Variants in SLC9A1 observed in about 807,000 individuals in gnomAD.
SLC9A1 encodes sodium/hydrogen exchanger 1.
In SLC9A1, 22 loss-of-function variants were observed where a neutral mutation model predicts 67.9. The observed-to-expected ratio is 0.32, with a 90% CI of 0.23 to 0.46. The LOEUF is 0.46. SLC9A1 is among the 20% of genes least tolerant of loss of function. SLC9A1 has a pLI of 1.00. For synonymous variants in SLC9A1, 421 were observed against 471.8 expected (o/e 0.89, Z 1.40); for missense variants, 686 against 1,094.8 (o/e 0.63, Z 5.27).
Position 27,137,044 on chromosome 1 carries a change from C to T in SLC9A1, c.352+16939G>A, listed in dbSNP as rs2083424817. ...TGCCAGATGGAGCCCCATCTGCCCC[C>T]AGGGCCCACCTGCAACGTGCTGTGT... On this transcript the variant is annotated intron_variant, in intron 1 of 11. Coordinates refer to ENST00000263980, the MANE Select transcript of SLC9A1 (RefSeq NM_003047.5). The surrounding 1 kb of genome is among the most constrained non-coding windows in gnomAD (Gnocchi z 4.6). Among the ~76,000 whole-genome samples, 1 of 152,258 alleles carries T rather than the reference C, an allele frequency of 6.6e-6. No individual in the cohort carries two copies. Among genetic ancestry groups the T allele is most frequent in the Non-Finnish European group, 1.5e-5 (1 of 68,042 alleles).
intron 1 of SLC9A1, among the ~76,000 whole-genome samples, chr1:27,124,743 T>G (rs1199107209): frequency 6.6e-6 from 1 of 152,088 alleles, no homozygotes; most frequent in Non-Finnish European, 1.5e-5. Flanking sequence ...AGGGCAGTGA[T>G]GAAGAAGGGG....
chr1:27,146,095 G>C (rs1223062113), intron 1 of SLC9A1, among the ~76,000 whole-genome samples: 1 of 152,166 alleles, frequency 6.6e-6, no homozygotes, highest in South Asian at 2.1e-4. Context: ...ACATTTGCAG[G>C]GGGAGCGAGT....
intron 1 of SLC9A1, among the ~76,000 whole-genome samples, chr1:27,127,557 C>T (rs974225596): frequency 2.0e-5 from 3 of 151,256 alleles, no homozygotes; most frequent in Non-Finnish European, 4.4e-5. Flanking sequence ...GCCACAAATA[C>T]CCTGCAGGGA....
intron 5 of SLC9A1, among the ~76,000 whole-genome samples, chr1:27,104,424 C>T (rs961050926): frequency 7.2e-5 from 11 of 152,174 alleles, no homozygotes; most frequent in African/African-American, 2.6e-4. Context: ...CACTCTGTCA[C>T]ACAGGCTGGA....
In SLC9A1 at chr1:27,113,812, C is replaced by T. The variant is rs552417146; in HGVS notation, c.813+14G>A. 55 of 1,600,108 alleles carry T rather than the reference C, an allele frequency of 3.4e-5. 3 individuals are homozygous for T. In the South Asian group the frequency reaches 5.5e-4, roughly 16 times the overall value. On this transcript the variant is annotated intron_variant, in intron 2 of 11. Transcript: ENST00000263980. ...GTACCGTTTGGACATGGGCATGGCC[C>T]CTGGCCTCCTCACCACAGTGACGGC...
Position 27,101,861 on chromosome 1 carries a change from C to T in SLC9A1, c.1936-35G>A, listed in dbSNP as rs1346802952. 1 of 1,544,956 alleles carries T rather than the reference C, an allele frequency of 6.5e-7. No homozygotes were observed. The highest frequency in any genetic ancestry group is 8.9e-7 in the Non-Finnish European group (1 of 1,120,730). ...GGACAGCGTCAGGGCAGTGCGGGCC[C>T]CGGAAGGCTCTGCTCATGGAGGGGT... is the stretch of plus-strand genomic sequence containing the variant. On this transcript the variant is annotated intron_variant, in intron 9 of 11. Coordinates refer to ENST00000263980, the MANE Select transcript of SLC9A1 (RefSeq NM_003047.5). The surrounding 1 kb of genome is among the most constrained non-coding windows in gnomAD (Gnocchi z 4.9).
In SLC9A1 at chr1:27,117,282, C is replaced by T. The variant is rs570437449; in HGVS notation, c.353-2996G>A. Among the ~76,000 whole-genome samples, 9 of 152,292 alleles carry T rather than the reference C, an allele frequency of 5.9e-5. No homozygotes were observed. The South Asian group carries it at 1.2e-3, about 21-fold the overall frequency. On this transcript the variant is annotated intron_variant, in intron 1 of 11. Transcript: ENST00000263980. ...GGGCCAGAAAGCACCTTCCCAAGGC[C>T]GGAAGTCCAGCTCCAGCCAGCTGCA... is the stretch of plus-strand genomic sequence containing the variant.
chr1:27,104,739 A>ATTT (rs571413046), intron 5 of SLC9A1, among the ~76,000 whole-genome samples: 1 of 150,762 alleles, frequency 6.6e-6, no homozygotes, highest in African/African-American at 2.4e-5. Context: ...GGTTTCCCCT[A>ATTT]TTTTTTTTTC....
In SLC9A1 at chr1:27,103,217, C is replaced by T. The variant is rs757682060; in HGVS notation, c.1575+6G>A. On this transcript the variant is annotated splice_donor_region_variant and intron_variant, in intron 6 of 11. Transcript: ENST00000263980. The stretch of plus-strand genomic sequence containing the variant: ...GCAACCAAGGGCCCAGCCCGCACTC[C>T]AGTACCTGTGTGTGGATCTCTTCGT... 6 of 1,607,018 alleles carry T rather than the reference C, an allele frequency of 3.7e-6. No homozygotes were observed. The highest frequency in any genetic ancestry group is 3.3e-5 in the South Asian group (3 of 90,966).
intron 3 of SLC9A1, among the ~76,000 whole-genome samples, chr1:27,108,895 G>A (rs2083208234): frequency 6.6e-6 from 1 of 152,096 alleles, no homozygotes; most frequent in African/African-American, 2.4e-5. Flanking sequence ...ATTACACAGG[G>A]GTCTCCACAG....
intron 1 of SLC9A1, among the ~76,000 whole-genome samples, chr1:27,143,926 A>G (rs2083466635): frequency 6.6e-6 from 1 of 152,212 alleles, no homozygotes; most frequent in Non-Finnish European, 1.5e-5. Context: ...TAACCTCTGG[A>G]ATGTATGACA....
chr1:27,106,553 G>C lies in SLC9A1; in HGVS notation c.1283-466C>G, dbSNP rs2083186145. Among the ~76,000 whole-genome samples, 2 of 152,112 alleles carry C rather than the reference G, an allele frequency of 1.3e-5. No homozygotes were observed. The highest frequency in any genetic ancestry group is 1.3e-4 in the Admixed American group (2 of 15,268). ...CTGGAGGATGAGGCTCAGGAATAAA[G>C]GGGATTTCAAAAGTGCACCAAATAA... On this transcript the variant is annotated intron_variant, in intron 4 of 11. Coordinates refer to ENST00000263980, the MANE Select transcript of SLC9A1 (RefSeq NM_003047.5). The surrounding 1 kb of genome is among the most constrained non-coding windows in gnomAD (Gnocchi z 4.3).
Position 27,114,010 on chromosome 1 carries a change from G to A in SLC9A1, c.629C>T (p.Ala210Val). 6.2e-7 allele frequency: 1 copy of A among 1,614,156 alleles called. No homozygotes were observed. Among genetic ancestry groups the A allele is most frequent in the East Asian group, 2.2e-5 (1 of 44,888 alleles). The change falls in exon 2 of 12, where the codon GCC becomes GTC. Residue 210 changes from alanine to valine, a missense_variant. Physicochemically the swap from Ala to Val is moderately conservative, Grantham distance 64. Transcript: ENST00000263980. This position sits in a 1 kb window ranked among gnomAD's most constrained non-coding sequence, Gnocchi z 5.4. The part of the protein sequence containing the change: ...NAFFLGGLMY[A>V]VCLVGGEQIN... ...CTGCTCACCGCCCACCAGGCACACG[G>A]CGTACATGAGGCCGCCCAGGAAGAA...
intron 5 of SLC9A1, chr1:27,104,104 T>C (rs12116666): frequency 7.1e-6 from 1 of 140,992 alleles, no homozygotes; most frequent in Non-Finnish European, 1.5e-5. Flanking sequence ...TTTTTTGAGA[T>C]GGAGTCTTGC....
At chr1:27,130,503 T>C (rs2083377569) in intron 1 of SLC9A1, among the ~76,000 whole-genome samples, 1 of 152,140 alleles carries the variant, frequency 6.6e-6, no homozygotes, top group Non-Finnish European at 1.5e-5. Flanking sequence ...ACCCTAGTAA[T>C]GGGAAATGGA....
In SLC9A1 at chr1:27,109,968, G is replaced by A. The variant is rs1213677022; in HGVS notation, c.814-191C>T. On this transcript the variant is annotated intron_variant, in intron 2 of 11. Coordinates refer to ENST00000263980, the MANE Select transcript of SLC9A1 (RefSeq NM_003047.5). The surrounding 1 kb of genome is among the most constrained non-coding windows in gnomAD (Gnocchi z 5.5). ...CCTGGGGCTGAGGGGCTTGCTCTGG[G>A]CCAGCCACGTGCCCCACTGGTGAAG... Among the ~76,000 whole-genome samples the A allele has an allele frequency of 1.3e-5, 2 of 152,088 alleles. No homozygotes were observed. Among genetic ancestry groups the A allele is most frequent in the African/African-American group, 4.8e-5 (2 of 41,418 alleles).
At chr1:27,122,086 G>T (rs1423846919) in intron 1 of SLC9A1, among the ~76,000 whole-genome samples, 2 of 152,166 alleles carry the variant, frequency 1.3e-5, no homozygotes, top group African/African-American at 4.8e-5. Context: ...CTGCACTCCA[G>T]CCTGGGCGAC....
At position 27,154,025 on chromosome 1, in the gene SLC9A1, C is replaced by T. The variant is rs2083549058; in HGVS notation, c.310G>A (p.Glu104Lys). The T allele has an allele frequency of 6.3e-7, 1 of 1,593,758 alleles. No homozygotes were observed. Among genetic ancestry groups the T allele is most frequent in the Non-Finnish European group, 8.6e-7 (1 of 1,166,898 alleles). ...GCCAGAAGGATCCAGAGGGAGATCT[C>T]GAAGGGGGTGCGCACGTGTGTGTAG... ...IDYTHVRTPFEISLWILLACL... is the reference protein window; with the variant it reads ...IDYTHVRTPFKISLWILLACL... The change falls in exon 1 of 12, where the codon GAG (glutamate) becomes AAG (lysine). Residue 104 changes from glutamate (E) to lysine (K), a missense_variant. This residue lies in a region of SLC9A1 where 143 missense variants were observed against 166.7 expected (regional missense o/e 0.86). Transcript: ENST00000263980.
chr1:27,101,739 G>C lies in SLC9A1; in HGVS notation c.2023C>G (p.Gln675Glu). 6.2e-7 allele frequency: 1 copy of C among 1,611,470 alleles called. No individual in the cohort carries two copies. Among genetic ancestry groups the C allele is most frequent in the South Asian group, 1.1e-5 (1 of 90,860 alleles). ...QMLLRRQKARQLEQKINNYLT... is the reference protein window; with the variant it reads ...QMLLRRQKARELEQKINNYLT... ...GCAGAGGCTACCTTCTGCTCCAGCT[G>C]CCGGGCCTTCTGCCTCCGGAGCAGC... The change falls in exon 10 of 12, where the codon CAG (glutamine) becomes GAG (glutamate). Residue 675 changes from glutamine (Q) to glutamate (E), a missense_variant. Physicochemically the swap from Gln to Glu is conservative, Grantham distance 29. Around this residue, in one of 7 missense-constraint regions of SLC9A1, gnomAD observed 226 missense variants for 282.4 expected, o/e 0.80. Coordinates refer to ENST00000263980, the MANE Select transcript of SLC9A1 (RefSeq NM_003047.5). The surrounding 1 kb of genome is among the most constrained non-coding windows in gnomAD (Gnocchi z 4.9).
Sources: allele counts gnomAD v4.1 joint callset (sites outside exome capture counted in the v4.1 genomes callset), GRCh38; gene constraint gnomAD v4.1.1; regional missense constraint gnomAD v4.1.1; non-coding constraint Gnocchi (gnomAD v3.1); transcripts MANE v1.5; gene names NCBI Gene and HGNC (gene_info 2026-07-23, HGNC 2026-07-21).